Variants in UBE3C observed in about 807,000 individuals in gnomAD.
UBE3C encodes the protein ubiquitin-protein ligase E3C.
UBE3C carries 42 observed loss-of-function variants against 129.4 expected under a neutral mutation model. That is an observed-to-expected ratio of 0.32 (90% CI 0.25 to 0.42). The LOEUF is 0.42. Ranked by LOEUF, UBE3C falls within the 10% of genes least tolerant of loss-of-function variation. The pLI, the probability that UBE3C is intolerant of heterozygous loss-of-function variation, is 1.00. For missense variants in UBE3C, 1,049 were observed against 1,319.1 expected, an observed-to-expected ratio of 0.80 and a Z score of 3.17; for synonymous variants, 510 against 492.4, an observed-to-expected ratio of 1.04 and a Z score of -0.47.
intron 18 of UBE3C, among the ~76,000 whole-genome samples, chr7:157,246,531 A>G (rs1189355178): frequency 6.6e-6 from 1 of 152,080 alleles, no homozygotes; most frequent in Non-Finnish European, 1.5e-5. Flanking sequence ...TTTTGTTTTG[A>G]TTTTGGTATT....
chr7:157,248,897 C>T (rs1001609564), intron 19 of UBE3C, among the ~76,000 whole-genome samples: 3 of 152,172 alleles, frequency 2.0e-5, no homozygotes, highest in African/African-American at 7.2e-5. Context: ...CGTTCAGCAG[C>T]TTCCCGGCAG....
intron 15 of UBE3C, 186 bp downstream of exon 15, chr7:157,220,962 A>G (rs1795721501): frequency 1.7e-6 from 1 of 576,410 alleles, no homozygotes; most frequent in African/African-American, 1.9e-5. Context: ...CCACCTCTTC[A>G]GCAGCCACCC....
intron 10 of UBE3C, among the ~76,000 whole-genome samples, chr7:157,190,027 C>G (rs1053606628): frequency 6.6e-6 from 1 of 152,200 alleles, no homozygotes; most frequent in African/African-American, 2.4e-5. Flanking sequence ...TCTCGAACTC[C>G]TGACCTCAGG....
chr7:157,213,633 C>T (rs774787255), intron 13 of UBE3C, among the ~76,000 whole-genome samples: 5 of 152,088 alleles, frequency 3.3e-5, no homozygotes, highest in Non-Finnish European at 7.4e-5. Context: ...TAAGGTGTTT[C>T]GAGATCACAA....
At chr7:157,167,953 C>G (rs188986993) in intron 2 of UBE3C, among the ~76,000 whole-genome samples, 1 of 152,298 alleles carries the variant, frequency 6.6e-6, no homozygotes, top group Admixed American at 6.5e-5. Context: ...TTTAAAGATA[C>G]TCTCAAGTCA....
chr7:157,177,257 C>T (rs1286854819), intron 5 of UBE3C, among the ~76,000 whole-genome samples: 4 of 152,152 alleles, frequency 2.6e-5, no homozygotes, highest in African/African-American at 7.2e-5. Flanking sequence ...CTAATGATGA[C>T]GGGTGTTTCT....
intron 10 of UBE3C, chr7:157,198,555 C>T (rs1486617567): frequency 3.2e-6 from 1 of 314,342 alleles, no homozygotes; most frequent in African/African-American, 2.2e-5. Context: ...TTTTTTTCGA[C>T]AGGGAGTCTT....
rs28636383 is a variant in UBE3C, at chr7:157,145,436, T to A, written c.66+6098T>A. Among the ~76,000 whole-genome samples, 1,342 of 152,268 alleles carry A rather than the reference T, an allele frequency of 8.8e-3. 15 individuals carry two copies. Among genetic ancestry groups the A allele is most frequent in the African/African-American group, 0.031 (1,283 of 41,548 alleles). On this transcript the variant is annotated intron_variant, in intron 1 of 22. Transcript: ENST00000348165. The stretch of plus-strand genomic sequence containing the variant: ...AGGAGGCTGAGGCAGGAGAATTGCT[T>A]GAACCCGAGAGGCAGAGATTGCAGT...
intron 4 of UBE3C, 148 bp downstream of exon 4, chr7:157,170,598 C>G: frequency 1.2e-6 from 1 of 811,556 alleles, no homozygotes; most frequent in African/African-American, 1.8e-5. Context: ...GAGAGGTTAC[C>G]TATGTGGTGA....
intron 2 of UBE3C, among the ~76,000 whole-genome samples, chr7:157,167,091 A>G (rs544868657): frequency 4.0e-5 from 6 of 151,834 alleles, no homozygotes; most frequent in South Asian, 2.1e-4. Flanking sequence ...CACCATGCCC[A>G]GCTAATTTTT....
At chr7:157,184,862 A>G (rs1200140955) in intron 9 of UBE3C, among the ~76,000 whole-genome samples, 1 of 152,202 alleles carries the variant, frequency 6.6e-6, no homozygotes, top group Non-Finnish European at 1.5e-5. Flanking sequence ...TTTAAAAAAT[A>G]AGAGAAGACA....
intron 22 of UBE3C, among the ~76,000 whole-genome samples, chr7:157,266,672 T>C (rs1232119175): frequency 6.6e-6 from 1 of 152,222 alleles, no homozygotes; most frequent in Non-Finnish European, 1.5e-5. Flanking sequence ...TTGTTTCTTC[T>C]CACCAATGAT....
chr7:157,159,209 A>AC (rs1807999323), intron 1 of UBE3C, among the ~76,000 whole-genome samples: 2 of 152,166 alleles, frequency 1.3e-5, no homozygotes, highest in African/African-American at 2.4e-5. Flanking sequence ...TGGCATACAC[A>AC]CCATGATTGT....
chr7:157,242,295 G>GT (rs1312823072), intron 18 of UBE3C, among the ~76,000 whole-genome samples: 1 of 152,190 alleles, frequency 6.6e-6, no homozygotes, highest in Non-Finnish European at 1.5e-5. Context: ...AGCATGAGCT[G>GT]TTGTTAGGGA....
chr7:157,139,983 T>TA (rs1317685411), intron 1 of UBE3C: 36 of 985,342 alleles, frequency 3.7e-5, no homozygotes, highest in South Asian at 2.8e-4. Context: ...ACTCCGGACT[T>TA]ACATCTGTTG....
intron 1 of UBE3C, among the ~76,000 whole-genome samples, chr7:157,163,608 A>C (rs1468282214): frequency 1.3e-5 from 2 of 152,180 alleles, no homozygotes; most frequent in Non-Finnish European, 2.9e-5. Flanking sequence ...CTACTGAAGT[A>C]CTAACTTGTA....
intron 17 of UBE3C, among the ~76,000 whole-genome samples, chr7:157,229,166 C>T (rs1317715691): frequency 1.3e-5 from 2 of 152,202 alleles, no homozygotes; most frequent in Non-Finnish European, 2.9e-5. Flanking sequence ...CTCCTTCCCC[C>T]TATCTTTTCT....
chr7:157,202,909 G>A (rs1809330729), intron 11 of UBE3C, among the ~76,000 whole-genome samples: 1 of 152,200 alleles, frequency 6.6e-6, no homozygotes, highest in Non-Finnish European at 1.5e-5. Flanking sequence ...GGAACAAGAA[G>A]TTAGAAGAAA....
At chr7:157,163,541 C>G (rs1273110172) in intron 1 of UBE3C, among the ~76,000 whole-genome samples, 1 of 152,188 alleles carries the variant, frequency 6.6e-6, no homozygotes, top group East Asian at 1.9e-4. Flanking sequence ...AACATTTCCC[C>G]AGTTTTACCT....
Sources: allele counts gnomAD v4.1 joint callset (sites outside exome capture counted in the v4.1 genomes callset), GRCh38; gene constraint gnomAD v4.1.1; transcripts MANE v1.5; gene names NCBI Gene and HGNC (gene_info 2026-07-23, HGNC 2026-07-21).